Variants in OSBPL10 observed in about 807,000 individuals in gnomAD.
The protein encoded by OSBPL10 is oxysterol binding protein like 10, also known as oxysterol-binding protein-related protein 10.
OSBPL10 carries 49 observed loss-of-function variants against 81.7 expected under a neutral mutation model. The observed-to-expected ratio is 0.60, with a 90% CI of 0.48 to 0.76. The LOEUF is 0.76. Among genes scored for constraint, OSBPL10 ranks in the 30% least tolerant of loss-of-function variants. The pLI is 0.00. For missense variants in OSBPL10, 923 were observed against 987.8 expected (o/e 0.93, Z 0.88); for synonymous variants, 419 against 383.6 (o/e 1.09, Z -1.08).
chr3:31,780,878 C>A (rs1698678118), intron 4 of OSBPL10, among the ~76,000 whole-genome samples: 1 of 150,038 alleles, frequency 6.7e-6, no homozygotes, highest in Admixed American at 6.6e-5. Context: ...CAACTGAATT[C>A]TATCTGGCAT....
At position 31,990,197 on chromosome 3, in the gene OSBPL10, A is replaced by G. The variant is rs755757253; in HGVS notation, n.298+56294T>C. 41 of 1,613,992 alleles carry G rather than the reference A, an allele frequency of 2.5e-5. No individual in the cohort carries two copies. In the African/African-American group the frequency reaches 3.9e-4, roughly 15 times the overall value. ...ACTGGAGAGAAACCTTACAAGTGTA[A>G]TGAGTGTGGCAAAGCCTTTAGTGGG... is the stretch of plus-strand genomic sequence containing the variant. On this transcript the variant is annotated intron_variant and non_coding_transcript_variant, in intron 2 of 3. Coordinates refer to the OSBPL10 transcript ENST00000479173.
chr3:32,045,369 G>A (rs993953508), intron 2 of OSBPL10, among the ~76,000 whole-genome samples: 5 of 152,124 alleles, frequency 3.3e-5, no homozygotes, highest in African/African-American at 7.2e-5. Flanking sequence ...CAGCTGTTAC[G>A]GTGATTATGA....
chr3:31,897,163 CATAGT>C (rs1304422871), intron 1 of OSBPL10, among the ~76,000 whole-genome samples: 3 of 152,092 alleles, frequency 2.0e-5, no homozygotes, highest in Non-Finnish European at 4.4e-5. Context: ...AAACAAATAC[CATAGT>C]TAGCCTCAGC....
Position 31,792,770 on chromosome 3 carries a change from T to C in OSBPL10, c.729+37270A>G, listed in dbSNP as rs185607250. ...GTGTGTGTGTGTGTGTGTGTGTGTG[T>C]GTGTGTAAAAATTCTCAGTTATCCA... On this transcript the variant is annotated intron_variant, in intron 4 of 11. Coordinates refer to ENST00000396556, the MANE Select transcript of OSBPL10 (RefSeq NM_017784.5). 8.0e-3 allele frequency among the ~76,000 whole-genome samples: 1,112 copies of C among 138,710 alleles called. 8 individuals are homozygous for C. Among genetic ancestry groups the C allele is most frequent in the Non-Finnish European group, 0.011 (734 of 65,560 alleles). The allele number at this position is 138,710 out of a possible 152,430, so 91.0% of individuals were successfully genotyped here. A position where few individuals can be genotyped will look rare whatever the true frequency, so the allele number is the denominator to read the frequency against.
intron 1 of OSBPL10, among the ~76,000 whole-genome samples, chr3:31,965,976 AAT>A (rs1470509791): frequency 7.8e-6 from 1 of 128,188 alleles, no homozygotes; most frequent in Non-Finnish European, 1.6e-5. Flanking sequence ...TAAAATAGAT[AAT>A]ATATATTATA....
At chr3:31,973,891 T>A (rs922739264) in intron 1 of OSBPL10, among the ~76,000 whole-genome samples, 1 of 152,224 alleles carries the variant, frequency 6.6e-6, no homozygotes, top group African/African-American at 2.4e-5. Flanking sequence ...AAATAGCAGC[T>A]TTATCTGTAA....
In OSBPL10 at chr3:31,797,980, C is replaced by G. The variant is rs1034159888; in HGVS notation, c.729+32060G>C. The G allele has an allele frequency of 8.0e-5, 25 of 311,194 alleles. No individual in the cohort carries two copies. In the Admixed American group the frequency reaches 9.4e-4, roughly 12 times the overall value. The allele number at this position is 311,194 out of a possible 1,614,324, so 19.3% of individuals were successfully genotyped here. A position where few individuals can be genotyped will look rare whatever the true frequency, so the allele number is the denominator to read the frequency against. Reference sequence around the variant, plus strand: ...AATAATTATTTTTATATATATCGTTCCAAACTCTGGGTCCGGGCATAAGGA... The same window carrying G: ...AATAATTATTTTTATATATATCGTTGCAAACTCTGGGTCCGGGCATAAGGA... On this transcript the variant is annotated intron_variant, in intron 4 of 11. Transcript: ENST00000396556.
chr3:31,960,861 T>C (rs969517262), intron 1 of OSBPL10, among the ~76,000 whole-genome samples: 2 of 152,088 alleles, frequency 1.3e-5, no homozygotes, highest in Non-Finnish European at 2.9e-5. Flanking sequence ...CTCTTTATCC[T>C]CTTTAATCCT....
At chr3:31,809,714 G>A (rs889602973) in intron 4 of OSBPL10, among the ~76,000 whole-genome samples, 5 of 152,040 alleles carry the variant, frequency 3.3e-5, no homozygotes, top group Non-Finnish European at 2.9e-5. Flanking sequence ...ATATGAATGT[G>A]CCAACAAACC....
chr3:31,860,072 G>A (rs891795268), intron 3 of OSBPL10, among the ~76,000 whole-genome samples: 2 of 152,120 alleles, frequency 1.3e-5, no homozygotes, highest in African/African-American at 2.4e-5. Flanking sequence ...TCCCTCCTGC[G>A]CACATTGGAA....
At chr3:32,058,982 C>T (rs985323951) in intron 1 of OSBPL10, among the ~76,000 whole-genome samples, 4 of 152,192 alleles carry the variant, frequency 2.6e-5, no homozygotes, top group African/African-American at 9.7e-5. Flanking sequence ...TGCCACCATG[C>T]CTGGTTTACG....
At chr3:31,826,562 C>T (rs2125519807) in intron 4 of OSBPL10, among the ~76,000 whole-genome samples, 1 of 152,256 alleles carries the variant, frequency 6.6e-6, no homozygotes, top group Non-Finnish European at 1.5e-5. Flanking sequence ...TTTTATTCTC[C>T]TGATATTCAG....
chr3:31,820,695 C>G (rs1007715581), intron 4 of OSBPL10, among the ~76,000 whole-genome samples: 13 of 152,106 alleles, frequency 8.5e-5, no homozygotes, highest in South Asian at 2.1e-4. Context: ...CTAAGTGTGC[C>G]CAGGACACAG....
rs1226530175 is a variant in OSBPL10 at position 32,022,410 on chromosome 3, A to C, written n.298+24081T>G. 3.9e-5 allele frequency among the ~76,000 whole-genome samples: 6 copies of C among 152,178 alleles called. No individual in the cohort carries two copies. The East Asian group carries it at 1.2e-3, about 29-fold the overall frequency. On this transcript the variant is annotated intron_variant and non_coding_transcript_variant, in intron 2 of 3. Coordinates refer to the OSBPL10 transcript ENST00000479173. ...TACAGGCAAAGTCATAAATCAATAC[A>C]TGGAGGCTACACATTGGTTTGACCT...
chr3:31,762,647 T>TTTTTTTTTTTTTTTTTTTG (rs1553622820), intron 4 of OSBPL10, among the ~76,000 whole-genome samples: 1 of 140,980 alleles, frequency 7.1e-6, no homozygotes, highest in Non-Finnish European at 1.5e-5. Context: ...TTTTTTTTTT[T>TTTTTTTTTTTTTTTTTTTG]TTGTAGAGAT....
At chr3:32,014,350 G>A (rs548279547) in intron 2 of OSBPL10, among the ~76,000 whole-genome samples, 1 of 152,270 alleles carries the variant, frequency 6.6e-6, no homozygotes, top group East Asian at 1.9e-4. Context: ...AAAAGTACAT[G>A]ATTATCTCAA....
At chr3:31,829,767 T>C (rs999219923) in intron 4 of OSBPL10, among the ~76,000 whole-genome samples, 8 of 152,264 alleles carry the variant, frequency 5.3e-5, no homozygotes, top group Non-Finnish European at 1.2e-4. Flanking sequence ...TGGATTTAAC[T>C]GTACTTCATT....
chr3:32,050,246 C>T lies in OSBPL10; in HGVS notation n.186-3643G>A, dbSNP rs369691973. Among the ~76,000 whole-genome samples, 51 of 152,310 alleles carry T rather than the reference C, an allele frequency of 3.3e-4. 1 individual carries two copies. The highest frequency in any genetic ancestry group is 1.2e-3 in the South Asian group (6 of 4,828). ...CATTGCAAGCTCAAAATTGACTGCT[C>T]TAGGCTCCTTCTGAGAAGAGCAATA... On this transcript the variant is annotated intron_variant and non_coding_transcript_variant, in intron 1 of 3. Coordinates refer to the OSBPL10 transcript ENST00000479173.
intron 4 of OSBPL10, among the ~76,000 whole-genome samples, chr3:31,779,333 CA>C (rs1698626596): frequency 6.6e-6 from 1 of 152,098 alleles, no homozygotes; most frequent in African/African-American, 2.4e-5. Flanking sequence ...TCACCTAATG[CA>C]TAAGGGCTGA....
Sources: allele counts gnomAD v4.1 joint callset (sites outside exome capture counted in the v4.1 genomes callset), GRCh38; gene constraint gnomAD v4.1.1; transcripts MANE v1.5; gene names NCBI Gene and HGNC (gene_info 2026-07-23, HGNC 2026-07-21).